The following PTPRQ variants were observed in gnomAD, a reference collection of about 807,000 sequenced individuals.
PTPRQ encodes the protein phosphatidylinositol phosphatase PTPRQ.
PTPRQ carries 199 observed loss-of-function variants against 246.0 expected under a neutral mutation model. The ratio of observed to expected loss-of-function variants is 0.81; its 90% CI spans 0.72 to 0.91. PTPRQ has a LOEUF of 0.91. Among genes scored for constraint, PTPRQ ranks in the 40% least tolerant of loss-of-function variants. The pLI, the probability that PTPRQ is intolerant of heterozygous loss-of-function variation, is 0.00. For synonymous variants in PTPRQ, 869 were observed against 853.2 expected, an observed-to-expected ratio of 1.02 and a Z score of -0.32; for missense variants, 2,624 against 2,528.4, an observed-to-expected ratio of 1.04 and a Z score of -0.81.
intron 1 of PTPRQ, 52 bp from the exon 2 acceptor site, chr12:80,444,689 G>C: frequency 5.3e-6 from 7 of 1,330,114 alleles, no homozygotes; most frequent in South Asian, 5.1e-5. Flanking sequence ...ATTTTAGCTT[G>C]CTTGCTTTCC....
chr12:80,612,473 G>T (rs1183843442), intron 28 of PTPRQ, among the ~76,000 whole-genome samples: 4 of 150,230 alleles, frequency 2.7e-5, no homozygotes, highest in Non-Finnish European at 6.0e-5. Flanking sequence ...CCACAATAAG[G>T]TATTATTGTC....
intron 25 of PTPRQ, chr12:80,561,335 C>T (rs139667642): frequency 3.9e-5 from 6 of 152,574 alleles, no homozygotes; most frequent in African/African-American, 1.4e-4. Context: ...TAATGATTAT[C>T]TTCTTTTACG....
chr12:80,527,943 G>C (rs962562305), intron 17 of PTPRQ, among the ~76,000 whole-genome samples: 1 of 152,042 alleles, frequency 6.6e-6, no homozygotes, highest in African/African-American at 2.4e-5. Context: ...AAAATAAACA[G>C]GTATGGTAAC....
intron 28 of PTPRQ, among the ~76,000 whole-genome samples, chr12:80,613,254 CT>C (rs1224810412): frequency 6.6e-6 from 1 of 150,574 alleles, no homozygotes. Context: ...TTTGCCACTT[CT>C]TTTGACTCTA....
At chr12:80,595,484 T>C (rs1897939417) in intron 26 of PTPRQ, among the ~76,000 whole-genome samples, 1 of 152,096 alleles carries the variant, frequency 6.6e-6, no homozygotes, top group Non-Finnish European at 1.5e-5. Flanking sequence ...GCATTGTTAT[T>C]GCCAAAATTA....
chr12:80,528,144 T>G (rs1895744339), intron 17 of PTPRQ, among the ~76,000 whole-genome samples: 1 of 152,150 alleles, frequency 6.6e-6, no homozygotes, highest in Non-Finnish European at 1.5e-5. Flanking sequence ...GACAATAAAT[T>G]TCAAATGGAT....
At chr12:80,647,397 C>T (rs1900110703) in intron 35 of PTPRQ, among the ~76,000 whole-genome samples, 1 of 152,160 alleles carries the variant, frequency 6.6e-6, no homozygotes, top group African/African-American at 2.4e-5. Context: ...CCCAACACAA[C>T]CTTCTATTCT....
chr12:80,448,531 C>T (rs1037972278), intron 3 of PTPRQ, among the ~76,000 whole-genome samples: 5 of 151,770 alleles, frequency 3.3e-5, no homozygotes, highest in Non-Finnish European at 7.4e-5. Flanking sequence ...CCACTCCCCC[C>T]ACCCCACAAC....
rs79496234 is a variant in PTPRQ, at chr12:80,493,731, A to T, written c.1540+276A>T. 2.4e-3 allele frequency among the ~76,000 whole-genome samples: 365 copies of T among 152,148 alleles called. 1 individual carries two copies. Among genetic ancestry groups the T allele is most frequent in the Middle Eastern group, 0.017 (5 of 294 alleles). ...AGACAATCAGTTATTACAGTTGCCA[A>T]AGCAGGTGTGATGGGAAGGGATTAA... On this transcript the variant is annotated intron_variant, in intron 10 of 44. Coordinates refer to ENST00000644991, the MANE Select transcript of PTPRQ (RefSeq NM_001145026.2).
intron 17 of PTPRQ, among the ~76,000 whole-genome samples, chr12:80,515,425 C>CTT (rs35189865): frequency 0.035 from 5,063 of 144,158 alleles, 120 homozygotes; most frequent in Middle Eastern, 0.058. Flanking sequence ...TGAATATTTC[C>CTT]TTTTTTTTTT....
chr12:80,551,368 C>G (rs887796145), intron 25 of PTPRQ, among the ~76,000 whole-genome samples: 1 of 152,144 alleles, frequency 6.6e-6, no homozygotes, highest in South Asian at 2.1e-4. Flanking sequence ...TTTGCCCCTT[C>G]TCCACCTTGG....
intron 17 of PTPRQ, among the ~76,000 whole-genome samples, chr12:80,522,442 G>A (rs1168764186): frequency 1.3e-5 from 2 of 152,088 alleles, no homozygotes; most frequent in Admixed American, 6.6e-5. Flanking sequence ...TCTTGTGCCA[G>A]TTTTCAAAGG....
intron 17 of PTPRQ, among the ~76,000 whole-genome samples, chr12:80,515,551 G>A (rs1388784624): frequency 5.9e-5 from 9 of 151,674 alleles, no homozygotes; most frequent in Admixed American, 5.9e-4. Flanking sequence ...CTCCCGAGTA[G>A]CTGGGATTAC....
intron 38 of PTPRQ, among the ~76,000 whole-genome samples, chr12:80,654,292 C>T (rs1023864642): frequency 6.6e-6 from 1 of 152,082 alleles, no homozygotes; most frequent in Admixed American, 6.6e-5. Flanking sequence ...TGGTTTTTCA[C>T]CATGTTTGTC....
intron 25 of PTPRQ, among the ~76,000 whole-genome samples, chr12:80,559,776 T>C (rs1400773441): frequency 6.6e-6 from 1 of 152,192 alleles, no homozygotes; most frequent in African/African-American, 2.4e-5. Context: ...TTGAGAAATA[T>C]ATTCTATCTT....
chr12:80,656,682 T>C (rs1485869009), intron 38 of PTPRQ, among the ~76,000 whole-genome samples: 1 of 151,874 alleles, frequency 6.6e-6, no homozygotes, highest in African/African-American at 2.4e-5. Context: ...AAGTAGTAAT[T>C]AGAAATTTGA....
chr12:80,678,616 T>C lies in PTPRQ; in HGVS notation c.6753T>C (p.Phe2251=). 6.5e-7 allele frequency: 1 copy of C among 1,549,654 alleles called. No individual in the cohort carries two copies. Among genetic ancestry groups the C allele is most frequent in the Non-Finnish European group, 8.7e-7 (1 of 1,145,844 alleles). Residue 2251 remains phenylalanine (F), a synonymous_variant, in exon 44 of 45, where the codon TTT becomes TTC. Transcript: ENST00000644991. ...TTGGTGTCTAGGCACAGTATATCTT[T>C]TTACACCAGTGCATTCTGGATCTCT... ...CMVQNLAQYI[F]LHQCILDLLS...
chr12:80,487,641 T>A (rs1894321401), intron 9 of PTPRQ, among the ~76,000 whole-genome samples: 1 of 152,118 alleles, frequency 6.6e-6, no homozygotes, highest in Non-Finnish European at 1.5e-5. Flanking sequence ...CTGACTTAGA[T>A]CCTACTTAGC....
chr12:80,533,460 A>G (rs1895900999), intron 17 of PTPRQ, among the ~76,000 whole-genome samples: 2 of 151,990 alleles, frequency 1.3e-5, no homozygotes, highest in Admixed American at 1.3e-4. Context: ...CCTGTATGAT[A>G]TACATACGTT....
Sources: gnomAD v4.1 joint callset for allele counts (sites outside exome capture counted in the v4.1 genomes callset) on GRCh38, gnomAD v4.1.1 for gene constraint, MANE v1.5 for transcripts, NCBI Gene and HGNC (gene_info 2026-07-23, HGNC 2026-07-21) for gene names.